The following DMBT1 variants were observed in gnomAD, a reference collection of about 807,000 sequenced individuals.
DMBT1 encodes deleted in malignant brain tumors 1.
DMBT1 carries 198 observed loss-of-function variants against 252.9 expected under a neutral mutation model. The observed-to-expected ratio is 0.78, with a 90% CI of 0.70 to 0.88. The LOEUF (loss-of-function observed/expected upper bound fraction) is 0.88. DMBT1 is among the 40% of genes least tolerant of loss of function. The probability of loss-of-function intolerance (pLI) is 0.00; values close to 1 mark genes in which losing one functional copy is unlikely to be tolerated. For synonymous variants in DMBT1, 990 were observed against 942.7 expected (o/e 1.05, Z -0.92); for missense variants, 2,432 against 2,404.7 (o/e 1.01, Z -0.24).
At position 122,566,003 on chromosome 10, in the gene DMBT1, C is replaced by T. The variant is rs1015774071; in HGVS notation, c.91+7C>T. 4.3e-6 allele frequency: 7 copies of T among 1,613,936 alleles called. No homozygotes were observed. The highest frequency in any genetic ancestry group is 5.1e-6 in the Non-Finnish European group (6 of 1,179,836). On this transcript the variant is annotated splice_region_variant and intron_variant, in intron 2 of 55. Coordinates refer to ENST00000338354, the MANE Select transcript of DMBT1 (RefSeq NM_001377530.1). ...CCAAGGACTACAGACTACGGTAAGA[C>T]CTTTTCTTCACTCCTCTTCCCTGGT...
chr10:122,639,615 A>G (rs1168958553), intron 54 of DMBT1, among the ~76,000 whole-genome samples: 2 of 152,184 alleles, frequency 1.3e-5, no homozygotes, highest in Non-Finnish European at 2.9e-5. Context: ...GTGATTCTTC[A>G]GTTACTTCAG....
At chr10:122,599,928 T>C in intron 26 of DMBT1, 136 bp from the exon 27 acceptor site, 2 of 1,319,142 alleles carry the variant, frequency 1.5e-6, no homozygotes, top group Non-Finnish European at 2.2e-6. Context: ...GGGATGTGCA[T>C]GGCAATGCCC....
chr10:122,573,846 G>C, intron 6 of DMBT1, 84 bp downstream of exon 6: 1 of 1,546,366 alleles, frequency 6.5e-7, no homozygotes, highest in Non-Finnish European at 8.9e-7. Context: ...GAGGTGCAGA[G>C]GGCATAGAAA....
In DMBT1 at chr10:122,621,359, G is replaced by A; in HGVS notation, c.5587G>A (p.Asp1863Asn). 1 of 1,613,870 alleles carries A rather than the reference G, an allele frequency of 6.2e-7. No homozygotes were observed. The highest frequency in any genetic ancestry group is 8.5e-7 in the Non-Finnish European group (1 of 1,179,762). The change falls in exon 44 of 56, where the codon GAC becomes AAC. Residue 1863 changes from aspartate (D) to asparagine (N), a missense_variant. Coordinates refer to ENST00000338354, the MANE Select transcript of DMBT1 (RefSeq NM_001377530.1). ...CACCCACAACTGTGGCCATCACGAA[G>A]ACGCTGGTGTCATCTGCTCAGGTGG... ...WLTHNCGHHEDAGVICSATQI... is the reference protein window; with the variant it reads ...WLTHNCGHHENAGVICSATQI...
In DMBT1 at chr10:122,598,971, T is replaced by A; in HGVS notation, c.3154T>A (p.Ser1052Thr). Residue 1052 changes from serine to threonine, a missense_variant, in exon 26 of 56, where the codon TCA (serine) becomes ACA (threonine). Coordinates refer to ENST00000338354, the MANE Select transcript of DMBT1 (RefSeq NM_001377530.1). ...APGNARFGQG[S>T]GPIVLDDVRC... Reference sequence around the variant, plus strand: ...AGGAAATGCCCGGTTTGGTCAGGGCTCAGGACCCATTGTCCTGGATGATGT... The same window carrying A: ...AGGAAATGCCCGGTTTGGTCAGGGCACAGGACCCATTGTCCTGGATGATGT... The A allele has an allele frequency of 1.2e-6, 2 of 1,613,736 alleles. No individual in the cohort carries two copies. Among genetic ancestry groups the A allele is most frequent in the Non-Finnish European group, 1.7e-6 (2 of 1,179,724 alleles).
intron 47 of DMBT1, 40 bp downstream of exon 47, chr10:122,630,033 C>T (rs1380949416): frequency 5.0e-6 from 8 of 1,610,278 alleles, no homozygotes; most frequent in Non-Finnish European, 6.8e-6. Context: ...GTGAGTTCCT[C>T]TGCAGCACAC....
intron 46 of DMBT1, among the ~76,000 whole-genome samples, chr10:122,627,423 G>A (rs754149349): frequency 3.9e-5 from 6 of 151,966 alleles, no homozygotes; most frequent in Non-Finnish European, 8.8e-5. Context: ...TCATTTAAGT[G>A]TATATAATAC....
rs371052369 is a variant in DMBT1 at position 122,573,840 on chromosome 10, T to A, written c.283+78T>A. 3.9e-4 allele frequency: 600 copies of A among 1,552,840 alleles called. 1 individual carries two copies. Among genetic ancestry groups the A allele is most frequent in the Non-Finnish European group, 4.9e-4 (552 of 1,125,012 alleles). On this transcript the variant is annotated intron_variant, in intron 6 of 55. Coordinates refer to ENST00000338354, the MANE Select transcript of DMBT1 (RefSeq NM_001377530.1). ...AGGTTAATCTCTGATTCAGATGAGG[T>A]GCAGAGGGCATAGAAAGTAGGGTGC...
At chr10:122,585,756 G>T (rs1048986797) in intron 15 of DMBT1, among the ~76,000 whole-genome samples, 3 of 148,574 alleles carry the variant, frequency 2.0e-5, no homozygotes, top group Non-Finnish European at 4.5e-5. Context: ...GATGGGGAGA[G>T]TCTGGCCTGC....
rs553337411 is a variant in DMBT1, at chr10:122,584,898, G to A, written c.1421-373G>A. On this transcript the variant is annotated intron_variant, in intron 14 of 55. Coordinates refer to ENST00000338354, the MANE Select transcript of DMBT1 (RefSeq NM_001377530.1). The stretch of plus-strand genomic sequence containing the variant: ...AATATTTCTGGTGCCTCCACTTACT[G>A]GGAAACTTGATACCCCTTTGGTCAG... Among the ~76,000 whole-genome samples the A allele has an allele frequency of 6.8e-4, 101 of 149,258 alleles. 3 individuals are homozygous for A. The highest frequency in any genetic ancestry group is 2.4e-3 in the African/African-American group (98 of 41,304).
At chr10:122,569,178 G>T (rs2981784) in intron 2 of DMBT1, among the ~76,000 whole-genome samples, 2 of 151,632 alleles carry the variant, frequency 1.3e-5, no homozygotes, top group Non-Finnish European at 2.9e-5. Flanking sequence ...ACCTCATGGA[G>T]TGGTTTTGAT....
At chr10:122,570,020 T>C in intron 2 of DMBT1, 142 bp from the exon 3 acceptor site, 1 of 799,500 alleles carries the variant, frequency 1.3e-6, no homozygotes, top group South Asian at 1.4e-5. Flanking sequence ...GATGGAGCGA[T>C]TGGCACATAG....
intron 53 of DMBT1, among the ~76,000 whole-genome samples, 158 bp from the exon 54 acceptor site, chr10:122,636,970 G>C (rs1393925329): frequency 6.6e-6 from 1 of 152,140 alleles, no homozygotes; most frequent in Non-Finnish European, 1.5e-5. Flanking sequence ...CGGGTCCTTG[G>C]GGGATTGCAG....
chr10:122,630,783 T>C (rs2098157763), intron 48 of DMBT1, among the ~76,000 whole-genome samples, 178 bp from the exon 49 acceptor site: 1 of 152,316 alleles, frequency 6.6e-6, no homozygotes, highest in Non-Finnish European at 1.5e-5. Context: ...TGGCGATGTC[T>C]AGAGCCCCTT....
At chr10:122,597,635 G>A (rs2097895139) in intron 24 of DMBT1, among the ~76,000 whole-genome samples, 1 of 152,182 alleles carries the variant, frequency 6.6e-6, no homozygotes, top group Admixed American at 6.5e-5. Context: ...CAGCTCCTTG[G>A]TTTCCCTAAC....
chr10:122,587,628 A>G (rs2097802356), intron 16 of DMBT1, among the ~76,000 whole-genome samples: 1 of 148,180 alleles, frequency 6.7e-6, no homozygotes, highest in African/African-American at 2.4e-5. Context: ...CCTGATTACT[A>G]TGGGCAGACA....
chr10:122,617,358 T>C (rs996910227), intron 40 of DMBT1, 98 bp downstream of exon 40: 1 of 1,422,796 alleles, frequency 7.0e-7, no homozygotes, highest in Non-Finnish European at 9.8e-7. Context: ...CCCCTCTCTT[T>C]TCATGTCCCT....
At chr10:122,600,643 G>T (rs1341062143) in intron 27 of DMBT1, among the ~76,000 whole-genome samples, 3 of 152,168 alleles carry the variant, frequency 2.0e-5, no homozygotes, top group Non-Finnish European at 2.9e-5. Flanking sequence ...GGCAGCCCCT[G>T]GTTCCCCTAA....
intron 46 of DMBT1, 28 bp from the exon 47 acceptor site, chr10:122,629,812 A>G: frequency 6.2e-7 from 1 of 1,610,198 alleles, no homozygotes; most frequent in Middle Eastern, 1.7e-4. Context: ...ACCTGGTACA[A>G]TGGAGATGTC....
Sources: allele counts gnomAD v4.1 joint callset (sites outside exome capture counted in the v4.1 genomes callset), GRCh38; gene constraint gnomAD v4.1.1; transcripts MANE v1.5; gene names NCBI Gene and HGNC (gene_info 2026-07-23, HGNC 2026-07-21).